Variants in PPP6C observed in about 807,000 individuals in gnomAD.
The protein encoded by PPP6C is protein phosphatase 6 catalytic subunit, also known as serine/threonine-protein phosphatase 6 catalytic subunit.
PPP6C carries 11 observed loss-of-function variants against 39.8 expected under a neutral mutation model. The observed-to-expected ratio is 0.28, with a 90% CI of 0.17 to 0.46. PPP6C has a LOEUF of 0.46. Among genes scored for constraint, PPP6C ranks in the 20% least tolerant of loss-of-function variants. PPP6C has a pLI of 1.00. For synonymous variants in PPP6C, 129 were observed against 130.3 expected (o/e 0.99, Z 0.07); for missense variants, 211 against 373.9 (o/e 0.56, Z 3.59).
chr9:125,177,469 G>C (rs1829326755), intron 1 of PPP6C, among the ~76,000 whole-genome samples: 1 of 152,118 alleles, frequency 6.6e-6, no homozygotes, highest in Admixed American at 6.6e-5. Flanking sequence ...GGCAAAGACA[G>C]GAGGATCCCT....
At chr9:125,156,165 A>T (rs1231667029) in intron 4 of PPP6C, among the ~76,000 whole-genome samples, 1 of 152,170 alleles carries the variant, frequency 6.6e-6, no homozygotes, top group East Asian at 1.9e-4. Context: ...AAAGGAGATA[A>T]ATATTACCTA....
intron 2 of PPP6C, among the ~76,000 whole-genome samples, chr9:125,165,648 G>C (rs1412694435): frequency 1.3e-5 from 2 of 152,124 alleles, no homozygotes; most frequent in Non-Finnish European, 2.9e-5. Context: ...AAGATATGCA[G>C]TTACAAAAGG....
chr9:125,179,684 C>A (rs1588295083), intron 1 of PPP6C, among the ~76,000 whole-genome samples: 1 of 136,030 alleles, frequency 7.4e-6, no homozygotes, highest in South Asian at 2.3e-4. Flanking sequence ...GAAACAAAGT[C>A]TTGCTTTGTC....
intron 2 of PPP6C, among the ~76,000 whole-genome samples, chr9:125,164,426 C>A (rs1828968762): frequency 1.3e-5 from 2 of 151,416 alleles, no homozygotes; most frequent in South Asian, 4.2e-4. Flanking sequence ...AAGGGTTTCG[C>A]CACATTGGCC....
chr9:125,180,765 T>C (rs758376943), intron 1 of PPP6C, among the ~76,000 whole-genome samples: 24 of 152,208 alleles, frequency 1.6e-4, no homozygotes, highest in Admixed American at 6.5e-5. Flanking sequence ...GACATGTAAC[T>C]GGTTCTCCTA....
intron 1 of PPP6C, among the ~76,000 whole-genome samples, chr9:125,181,046 T>C (rs922839817): frequency 1.3e-5 from 2 of 152,186 alleles, no homozygotes; most frequent in Admixed American, 6.5e-5. Context: ...GCTATGTCTC[T>C]AAGCCAAAGC....
At position 125,189,787 on chromosome 9, in the gene PPP6C, G is replaced by A; in HGVS notation, c.-69C>T. The A allele has an allele frequency of 1.3e-6, 2 of 1,516,408 alleles. No individual in the cohort carries two copies. The highest frequency in any genetic ancestry group is 2.5e-5 in the South Asian group (2 of 80,082). The allele number at this position is 1,516,408 out of a possible 1,614,324, so 93.9% of individuals were successfully genotyped here. On this transcript the variant is annotated 5_prime_UTR_variant, in exon 1 of 7. Transcript: ENST00000373547. ...AGCAGCGGCGGCGGCAGCGGCGGAG[G>A]CCGAAGCCGGAACTTTCCCTGCGTC... is the stretch of plus-strand genomic sequence containing the variant.
At chr9:125,187,803 G>A (rs1047182553) in intron 1 of PPP6C, among the ~76,000 whole-genome samples, 1 of 151,772 alleles carries the variant, frequency 6.6e-6, no homozygotes, top group Non-Finnish European at 1.5e-5. Flanking sequence ...ATAGCAGAAA[G>A]AAGCCACAAA....
chr9:125,151,132 A>C, intron 6 of PPP6C: 1 of 1,385,638 alleles, frequency 7.2e-7, no homozygotes. Flanking sequence ...TGAGCAGAAG[A>C]ACTGCACTAT....
intron 2 of PPP6C, among the ~76,000 whole-genome samples, chr9:125,164,135 C>T (rs116856984): frequency 0.012 from 1,771 of 151,758 alleles, 20 homozygotes; most frequent in Non-Finnish European, 0.016. Context: ...CAGCACACGG[C>T]CCTATTTTCA....
chr9:125,171,236 A>G (rs1048065970), intron 1 of PPP6C, 56 bp from the exon 2 acceptor site: 3 of 1,353,630 alleles, frequency 2.2e-6, no homozygotes, highest in Non-Finnish European at 3.1e-6. Flanking sequence ...AACTAAAGAT[A>G]AAATACCAAA....
intron 2 of PPP6C, among the ~76,000 whole-genome samples, chr9:125,165,554 CATGGCTAGTCTT>C (rs1828993977): frequency 1.1e-5 from 1 of 90,154 alleles, no homozygotes; most frequent in Non-Finnish European, 3.0e-5. Flanking sequence ...CTAAATAGAA[CATGGCTAGTCTT>C]AGAACTTGCC....
chr9:125,185,372 C>T (rs575530573), intron 1 of PPP6C, among the ~76,000 whole-genome samples: 3 of 151,728 alleles, frequency 2.0e-5, no homozygotes, highest in African/African-American at 7.2e-5. Context: ...AGCCTCCCGG[C>T]CCACATATGT....
chr9:125,154,274 GA>G (rs1404314068), intron 4 of PPP6C, among the ~76,000 whole-genome samples: 1 of 152,308 alleles, frequency 6.6e-6, no homozygotes, highest in Non-Finnish European at 1.5e-5. Context: ...CATAAACCTA[GA>G]TGGTCTAGCC....
chr9:125,163,990 C>T (rs1475895796), intron 2 of PPP6C, among the ~76,000 whole-genome samples: 1 of 149,458 alleles, frequency 6.7e-6, no homozygotes, highest in Non-Finnish European at 1.5e-5. Flanking sequence ...TTATCTGCCA[C>T]CGCACCCCCG....
At chr9:125,174,308 T>C (rs1829247948) in intron 1 of PPP6C, among the ~76,000 whole-genome samples, 1 of 151,790 alleles carries the variant, frequency 6.6e-6, no homozygotes, top group Admixed American at 6.6e-5. Context: ...CAGAACTCAA[T>C]GGGAGTGGGA....
chr9:125,150,589 T>G, intron 6 of PPP6C: 1 of 769,538 alleles, frequency 1.3e-6, no homozygotes, highest in South Asian at 1.3e-5. Context: ...CGACTTTGGT[T>G]GCAGTCTCTG....
intron 2 of PPP6C, among the ~76,000 whole-genome samples, chr9:125,164,219 T>A (rs1479707100): frequency 2.1e-5 from 1 of 48,698 alleles, no homozygotes; most frequent in Non-Finnish European, 4.1e-5. Context: ...CCTCACTCTC[T>A]TTTTTTTTTT....
intron 1 of PPP6C, among the ~76,000 whole-genome samples, chr9:125,188,717 G>A (rs1487197985): frequency 2.0e-5 from 3 of 151,880 alleles, no homozygotes; most frequent in African/African-American, 7.3e-5. Flanking sequence ...CCGGGAAGTG[G>A]AGGTTGCAGT....
Sources: allele counts gnomAD v4.1 joint callset (sites outside exome capture counted in the v4.1 genomes callset), GRCh38; gene constraint gnomAD v4.1.1; transcripts MANE v1.5; gene names NCBI Gene and HGNC (gene_info 2026-07-23, HGNC 2026-07-21).